Variants in ST18 observed in about 807,000 individuals in gnomAD.
ST18 encodes ST18 C2H2C-type zinc finger transcription factor, also known as suppression of tumorigenicity 18 protein.
In ST18, 50 loss-of-function variants were observed where a neutral mutation model predicts 110.0. The ratio of observed to expected loss-of-function variants is 0.45; its 90% CI spans 0.36 to 0.58. ST18 has a LOEUF of 0.58. Among genes scored for constraint, ST18 ranks in the 20% least tolerant of loss-of-function variants. ST18 has a pLI of 0.00. For missense variants in ST18, 1,306 were observed against 1,280.1 expected (o/e 1.02, Z -0.31); for synonymous variants, 461 against 452.4 (o/e 1.02, Z -0.24).
intron 23 of ST18, among the ~76,000 whole-genome samples, chr8:52,120,399 A>G (rs907120703): frequency 6.6e-6 from 1 of 152,194 alleles, no homozygotes; most frequent in Non-Finnish European, 1.5e-5. Flanking sequence ...GCAGACAAAA[A>G]CCAAGGAGAT....
At position 52,199,591 on chromosome 8, in the gene ST18, T is replaced by C. The variant is rs200801220; in HGVS notation, c.86+12488A>G. On this transcript the variant is annotated intron_variant, in intron 8 of 25. Coordinates refer to ENST00000689386, the MANE Select transcript of ST18 (RefSeq NM_001352837.2). ...ACAAAATTATAAAAATTGAGGGCAT[T>C]TGGATCGTGAACTATAAGCTTAATT... The C allele has an allele frequency of 6.6e-5, 10 of 152,306 alleles. No homozygotes were observed. The East Asian group carries it at 1.7e-3, about 26-fold the overall frequency. 9.4% of individuals were successfully genotyped at this position (152,306 alleles called of 1,614,324 possible). A position where few individuals can be genotyped will look rare whatever the true frequency, so the allele number is the denominator to read the frequency against.
intron 3 of ST18, among the ~76,000 whole-genome samples, chr8:52,226,140 A>T (rs1346463538): frequency 6.6e-6 from 1 of 152,194 alleles, no homozygotes; most frequent in Non-Finnish European, 1.5e-5. Context: ...TCTCCATGCT[A>T]AACTGAGAAA....
chr8:52,177,458 G>T (rs2067366972), intron 9 of ST18, among the ~76,000 whole-genome samples: 2 of 152,114 alleles, frequency 1.3e-5, no homozygotes, highest in Admixed American at 1.3e-4. Flanking sequence ...ATACCCTGGG[G>T]TAACCAGAGT....
chr8:52,303,564 A>G (rs1254385036), intron 2 of ST18, among the ~76,000 whole-genome samples: 1 of 152,208 alleles, frequency 6.6e-6, no homozygotes, highest in Non-Finnish European at 1.5e-5. Context: ...TCAAGAGATC[A>G]CAGTGGACAT....
chr8:52,398,417 A>G (rs183742681), intron 2 of ST18, among the ~76,000 whole-genome samples: 3 of 152,244 alleles, frequency 2.0e-5, no homozygotes, highest in Non-Finnish European at 4.4e-5. Flanking sequence ...TTCTTTTCTT[A>G]TCTGACTGCT....
chr8:52,219,433 A>G (rs930832139), intron 5 of ST18, among the ~76,000 whole-genome samples: 4 of 152,232 alleles, frequency 2.6e-5, no homozygotes, highest in African/African-American at 9.6e-5. Flanking sequence ...ACCATCTGTG[A>G]CAACATATTT....
chr8:52,121,534 C>A lies in ST18; in HGVS notation c.2756-3093G>T, dbSNP rs533503329. 3.9e-5 allele frequency among the ~76,000 whole-genome samples: 6 copies of A among 152,260 alleles called. No homozygotes were observed. The South Asian group carries it at 1.2e-3, about 32-fold the overall frequency. ...CTAAGAACCTTTGGATTTCACTCTG[C>A]ACTTCCAAATATTAACTCGTATGAT... On this transcript the variant is annotated intron_variant, in intron 23 of 25. Transcript: ENST00000689386.
chr8:52,408,827 G>T (rs1225835702), intron 2 of ST18, among the ~76,000 whole-genome samples: 1 of 152,144 alleles, frequency 6.6e-6, no homozygotes, highest in Non-Finnish European at 1.5e-5. Context: ...TATGTTGCAG[G>T]TCTCCTATAG....
At chr8:52,342,339 ACT>A (rs1467189422) in intron 2 of ST18, among the ~76,000 whole-genome samples, 3 of 150,518 alleles carry the variant, frequency 2.0e-5, no homozygotes, top group African/African-American at 7.4e-5. Flanking sequence ...AAAGAAAAAG[ACT>A]CTACGATCTT....
chr8:52,215,788 G>C (rs2083963762), intron 6 of ST18, among the ~76,000 whole-genome samples: 2 of 152,106 alleles, frequency 1.3e-5, no homozygotes, highest in Non-Finnish European at 1.5e-5. Context: ...GATGAAAATG[G>C]CTTGGTTTAC....
intron 11 of ST18, among the ~76,000 whole-genome samples, chr8:52,165,875 G>C (rs1309767847): frequency 1.3e-5 from 2 of 152,212 alleles, no homozygotes; most frequent in East Asian, 3.9e-4. Context: ...TCAATAGGTA[G>C]GTTCACAAAG....
At chr8:52,151,326 C>T (rs1207539605) in intron 15 of ST18, among the ~76,000 whole-genome samples, 1 of 152,104 alleles carries the variant, frequency 6.6e-6, no homozygotes, top group African/African-American at 2.4e-5. Flanking sequence ...TTCAATCTCT[C>T]AGCCTATGAG....
chr8:52,409,007 A>G (rs1473334893), intron 2 of ST18: 1 of 152,268 alleles, frequency 6.6e-6, no homozygotes, highest in African/African-American at 2.4e-5. Context: ...TCCTTACTGT[A>G]CAAGTAACAT....
At chr8:52,231,808 A>C (rs950565001) in intron 2 of ST18, among the ~76,000 whole-genome samples, 1 of 152,178 alleles carries the variant, frequency 6.6e-6, no homozygotes, top group Non-Finnish European at 1.5e-5. Flanking sequence ...TCTGGTGCCA[A>C]AACTCTGAGG....
chr8:52,308,284 T>C (rs2095846614), intron 2 of ST18, among the ~76,000 whole-genome samples: 1 of 152,232 alleles, frequency 6.6e-6, no homozygotes, highest in South Asian at 2.1e-4. Context: ...CTCACTATTT[T>C]TTAAATCCAA....
chr8:52,229,727 G>T (rs1041521457), intron 3 of ST18: 1 of 152,140 alleles, frequency 6.6e-6, no homozygotes, highest in Non-Finnish European at 1.5e-5. Context: ...TTGGGGAGGG[G>T]TACTTTATCC....
chr8:52,294,860 T>C (rs1484246494), intron 2 of ST18, among the ~76,000 whole-genome samples: 2 of 152,246 alleles, frequency 1.3e-5, no homozygotes, highest in South Asian at 2.1e-4. Context: ...GACTCATGGC[T>C]ACTCTGTGGA....
chr8:52,278,846 G>A (rs2095323423), intron 2 of ST18, among the ~76,000 whole-genome samples: 1 of 152,128 alleles, frequency 6.6e-6, no homozygotes, highest in Non-Finnish European at 1.5e-5. Flanking sequence ...CTACTGTTGT[G>A]GCCCCTAAAA....
intron 2 of ST18, among the ~76,000 whole-genome samples, chr8:52,386,688 T>G (rs1836916514): frequency 6.6e-6 from 1 of 152,110 alleles, no homozygotes; most frequent in Admixed American, 6.6e-5. Context: ...AAGGGGAGAG[T>G]TCTCCTTATA....
Sources: gnomAD v4.1 joint callset for allele counts (sites outside exome capture counted in the v4.1 genomes callset) on GRCh38, gnomAD v4.1.1 for gene constraint, MANE v1.5 for transcripts, NCBI Gene and HGNC (gene_info 2026-07-23, HGNC 2026-07-21) for gene names.